FOXP1: variants seen among roughly 807,000 people sequenced by gnomAD.
FOXP1 encodes forkhead box protein P1.
Under a neutral mutation model 98.2 loss-of-function variants are expected in FOXP1, and 15 were observed. The observed-to-expected ratio is 0.15, with a 90% confidence interval of 0.10 to 0.24. FOXP1 has a LOEUF of 0.24. FOXP1 is among the 10% of genes least tolerant of loss of function. The pLI is 1.00. For synonymous variants in FOXP1, 371 were observed against 314.5 expected (o/e 1.18, Z -1.90); for missense variants, 633 against 848.5 (o/e 0.75, Z 3.15).
intron 3 of FOXP1, among the ~76,000 whole-genome samples, chr3:71,371,008 C>G (rs941741995): frequency 1.3e-5 from 2 of 152,046 alleles, no homozygotes; most frequent in Non-Finnish European, 2.9e-5. Flanking sequence ...AACTCCTGAC[C>G]TCAGGCAATC....
At chr3:71,391,032 T>A (rs938387149) in intron 3 of FOXP1, among the ~76,000 whole-genome samples, 10 of 152,222 alleles carry the variant, frequency 6.6e-5, no homozygotes, top group African/African-American at 2.4e-4. Context: ...CTGAACATCA[T>A]TACTTCAAAG....
chr3:71,103,661 G>A (rs1293122090), intron 7 of FOXP1, among the ~76,000 whole-genome samples: 1 of 152,150 alleles, frequency 6.6e-6, no homozygotes, highest in Non-Finnish European at 1.5e-5. Context: ...CACTGTGCAT[G>A]TGTCAGAAAA....
At position 71,103,377 on chromosome 3, in the gene FOXP1, G is replaced by C. The variant is rs2057139759; in HGVS notation, c.282+9159C>G. Reference sequence around the variant, plus strand: ...GACCCAATAGAAATAATAAGTGTAGGGAAAACAGATATTGCCTTGTGATTT... The same window carrying C: ...GACCCAATAGAAATAATAAGTGTAGCGAAAACAGATATTGCCTTGTGATTT... On this transcript the variant is annotated intron_variant, in intron 7 of 20. Coordinates refer to ENST00000649528, the MANE Select transcript of FOXP1 (RefSeq NM_001349338.3). Among the ~76,000 whole-genome samples the C allele has an allele frequency of 1.3e-5, 2 of 152,120 alleles. 1 individual carries two copies. Among genetic ancestry groups the C allele is most frequent in the African/African-American group, 4.8e-5 (2 of 41,402 alleles).
At chr3:71,211,271 A>C (rs2064437526) in intron 5 of FOXP1, among the ~76,000 whole-genome samples, 1 of 152,006 alleles carries the variant, frequency 6.6e-6, no homozygotes, top group East Asian at 1.9e-4. Flanking sequence ...CAGTGGCGCA[A>C]TCTTGGCTCA....
intron 3 of FOXP1, among the ~76,000 whole-genome samples, chr3:71,439,862 C>T (rs1193593635): frequency 6.6e-6 from 1 of 151,528 alleles, no homozygotes; most frequent in Non-Finnish European, 1.5e-5. Flanking sequence ...AGGAGAATTG[C>T]CTGAACCCAG....
intron 5 of FOXP1, among the ~76,000 whole-genome samples, chr3:71,272,511 G>T (rs992822195): frequency 1.2e-4 from 19 of 152,182 alleles, no homozygotes; most frequent in African/African-American, 4.3e-4. Flanking sequence ...AGAAGACCTA[G>T]AAGCTTCCAT....
intron 3 of FOXP1, among the ~76,000 whole-genome samples, chr3:71,363,620 A>T (rs1414188397): frequency 6.6e-6 from 1 of 152,176 alleles, no homozygotes; most frequent in Non-Finnish European, 1.5e-5. Flanking sequence ...AGGTTCTCAG[A>T]TTATCAGCAC....
chr3:71,145,398 G>A (rs1433163939), intron 6 of FOXP1, among the ~76,000 whole-genome samples: 6 of 152,038 alleles, frequency 3.9e-5, no homozygotes, highest in African/African-American at 9.7e-5. Context: ...TTAGCTGGGC[G>A]TGGTGGCACA....
chr3:71,053,815 G>C (rs1380796740), intron 7 of FOXP1, 42 bp from the exon 8 acceptor site: 12 of 1,612,558 alleles, frequency 7.4e-6, no homozygotes, highest in Non-Finnish European at 1.0e-5. Flanking sequence ...CAGGAAATCA[G>C]AAGCACGCAG....
intron 7 of FOXP1, among the ~76,000 whole-genome samples, chr3:71,082,653 AC>A (rs763967967): frequency 2.1e-3 from 321 of 151,770 alleles, no homozygotes; most frequent in Non-Finnish European, 3.5e-3. Flanking sequence ...AACAACAACA[AC>A]AAAAAAAAAA....
intron 5 of FOXP1, among the ~76,000 whole-genome samples, chr3:71,290,847 AT>A (rs1381436603): frequency 6.6e-6 from 1 of 152,196 alleles, no homozygotes; most frequent in Non-Finnish European, 1.5e-5. Flanking sequence ...GGTAATGCAT[AT>A]ATTATAAAAT....
chr3:71,117,235 G>A (rs2058439058), intron 6 of FOXP1, among the ~76,000 whole-genome samples: 1 of 152,110 alleles, frequency 6.6e-6, no homozygotes, highest in Non-Finnish European at 1.5e-5. Flanking sequence ...CTACAGGCAT[G>A]AGCCACCACA....
intron 6 of FOXP1, among the ~76,000 whole-genome samples, chr3:71,121,584 C>A (rs2058778693): frequency 6.6e-6 from 1 of 152,080 alleles, no homozygotes; most frequent in Non-Finnish European, 1.5e-5. Flanking sequence ...GTGCCAGACG[C>A]TGAATCACTA....
rs1429574624 is a variant in FOXP1 at position 71,141,267 on chromosome 3, A to T, written c.181-28630T>A. Among the ~76,000 whole-genome samples, 6 of 68,968 alleles carry T rather than the reference A, an allele frequency of 8.7e-5. No homozygotes were observed. In the South Asian group the frequency reaches 3.0e-3, roughly 34 times the overall value. The allele number at this position is 68,968 out of a possible 152,430, so 45.2% of individuals were successfully genotyped here. On this transcript the variant is annotated intron_variant, in intron 6 of 20. Coordinates refer to ENST00000649528, the MANE Select transcript of FOXP1 (RefSeq NM_001349338.3). ...TGGTGACAGAGCAAGACTCTGTCTCAAAAAAAAAAAAAAAAAAAAGAAACT... is the reference window on the plus strand; with the variant it reads ...TGGTGACAGAGCAAGACTCTGTCTCTAAAAAAAAAAAAAAAAAAAGAAACT...
chr3:71,041,552 T>A lies in FOXP1; in HGVS notation c.665-20A>T. On this transcript the variant is annotated intron_variant, in intron 10 of 20. Transcript: ENST00000649528. ...TCATGCCTGAAACAAACAAATTGGA[T>A]AATTAAATCAATTAACAGCTAATTC... The A allele has an allele frequency of 1.2e-6, 2 of 1,609,708 alleles. No individual in the cohort carries two copies. The highest frequency in any genetic ancestry group is 1.7e-6 in the Non-Finnish European group (2 of 1,176,212).
At chr3:71,017,110 G>C (rs191197157) in intron 11 of FOXP1, among the ~76,000 whole-genome samples, 1 of 152,236 alleles carries the variant, frequency 6.6e-6, no homozygotes, top group East Asian at 1.9e-4. Context: ...GGGAACTCAA[G>C]TAGCTATAGT....
intron 12 of FOXP1, among the ~76,000 whole-genome samples, chr3:71,007,652 G>A (rs1413503790): frequency 6.6e-6 from 1 of 152,122 alleles, no homozygotes; most frequent in African/African-American, 2.4e-5. Context: ...TTCTTAACAT[G>A]TTCCAAGTAG....
intron 2 of FOXP1, among the ~76,000 whole-genome samples, chr3:71,550,738 T>C (rs947577759): frequency 2.6e-5 from 4 of 152,168 alleles, no homozygotes; most frequent in Admixed American, 2.6e-4. Flanking sequence ...GATCAGTCCA[T>C]TAGACACCAG....
chr3:71,014,168 C>G (rs1472087809), intron 12 of FOXP1, among the ~76,000 whole-genome samples: 2 of 152,138 alleles, frequency 1.3e-5, no homozygotes, highest in Non-Finnish European at 2.9e-5. Flanking sequence ...TCTAATTAAA[C>G]TAAAAAGCTT....
Sources: allele counts gnomAD v4.1 joint callset (sites outside exome capture counted in the v4.1 genomes callset), GRCh38; gene constraint gnomAD v4.1.1; transcripts MANE v1.5; gene names NCBI Gene and HGNC (gene_info 2026-07-23, HGNC 2026-07-21).